Variants in ATG3 observed in about 807,000 individuals in gnomAD.
ATG3 encodes the protein ubiquitin-like-conjugating enzyme ATG3.
Under a neutral mutation model 50.7 loss-of-function variants are expected in ATG3, and 25 were observed. The ratio of observed to expected loss-of-function variants is 0.49; its 90% CI spans 0.36 to 0.69. ATG3 has a LOEUF of 0.69. Ranked by LOEUF, ATG3 falls within the 30% of genes least tolerant of loss-of-function variation. The pLI is 0.00. For synonymous variants in ATG3, 119 were observed against 125.5 expected, an observed-to-expected ratio of 0.95 and a Z score of 0.34; for missense variants, 281 against 376.0, an observed-to-expected ratio of 0.75 and a Z score of 2.09.
chr3:112,534,068 G>C, intron 11 of ATG3: 4 of 1,287,786 alleles, frequency 3.1e-6, no homozygotes, highest in Non-Finnish European at 3.9e-6. Context: ...CTACACATGG[G>C]GACATGTTCT....
intron 1 of ATG3, 122 bp downstream of exon 1, chr3:112,561,335 C>T (rs777105908): frequency 8.0e-6 from 8 of 1,000,502 alleles, no homozygotes; most frequent in Non-Finnish European, 1.1e-5. Context: ...TTCCCTGTGT[C>T]TCGAGCCCTA....
intron 3 of ATG3, among the ~76,000 whole-genome samples, chr3:112,552,420 CTT>C (rs931957861): frequency 2.0e-5 from 3 of 151,796 alleles, no homozygotes; most frequent in Non-Finnish European, 4.4e-5. Flanking sequence ...AAAATAAAAA[CTT>C]AAAGCCTCTT....
intron 5 of ATG3, among the ~76,000 whole-genome samples, chr3:112,545,608 A>G (rs983216018): frequency 1.3e-5 from 2 of 152,242 alleles, no homozygotes; most frequent in African/African-American, 2.4e-5. Context: ...TGACTATTTC[A>G]TAACAGTAAA....
intron 10 of ATG3, 139 bp downstream of exon 10, chr3:112,536,336 A>G (rs1008264697): frequency 6.2e-6 from 6 of 960,298 alleles, no homozygotes; most frequent in East Asian, 2.8e-5. Context: ...GAAAATTTCT[A>G]AGGAGGACAA....
At chr3:112,552,876 G>A (rs1023435598) in intron 3 of ATG3, among the ~76,000 whole-genome samples, 5 of 152,040 alleles carry the variant, frequency 3.3e-5, no homozygotes, top group Non-Finnish European at 7.4e-5. Flanking sequence ...TCCATCTCCT[G>A]ACCTCGTGAT....
In ATG3 at chr3:112,556,401, TG is replaced by T. The variant is rs1287778792; in HGVS notation, c.114+1974del. On this transcript the variant is annotated intron_variant, in intron 2 of 11. Transcript: ENST00000283290. ...CCAGCCGCCCCATCCGGGAGGGAGG[TG>T]GGGGGGTCAGCCCCCCGCCCGGCCA... is the stretch of plus-strand genomic sequence containing the variant. Among the ~76,000 whole-genome samples the T allele has an allele frequency of 5.6e-5, 8 of 141,748 alleles. No homozygotes were observed. The East Asian group carries it at 1.2e-3, about 22-fold the overall frequency. 93.0% of individuals were successfully genotyped at this position (141,748 alleles called of 152,430 possible).
At chr3:112,536,328 A>C (rs1392433651) in intron 10 of ATG3, 147 bp downstream of exon 10, 3 of 920,738 alleles carry the variant, frequency 3.3e-6, no homozygotes, top group Non-Finnish European at 4.7e-6. Flanking sequence ...AAGCACAAGA[A>C]AATTTCTAAG....
chr3:112,542,392 T>C lies in ATG3; in HGVS notation c.394-508A>G, dbSNP rs117991576. On this transcript the variant is annotated intron_variant, in intron 6 of 11. Coordinates refer to ENST00000283290, the MANE Select transcript of ATG3 (RefSeq NM_022488.5). Reference sequence around the variant, plus strand: ...TGCACAAGATATCAGTTCAATTTCTTAACTATATTAGCTCTAAAGTGAAAG... The same window carrying C: ...TGCACAAGATATCAGTTCAATTTCTCAACTATATTAGCTCTAAAGTGAAAG... Among the ~76,000 whole-genome samples, 11 of 152,252 alleles carry C rather than the reference T, an allele frequency of 7.2e-5. 1 individual carries two copies. The East Asian group carries it at 2.1e-3, about 29-fold the overall frequency.
intron 4 of ATG3, among the ~76,000 whole-genome samples, chr3:112,549,927 G>A (rs66910014): frequency 0.067 from 10,215 of 151,866 alleles, 431 homozygotes; most frequent in Admixed American, 0.12. Context: ...CATTTGCCAT[G>A]CAAAATTTCA....
rs190048553 is a variant in ATG3, at chr3:112,534,243, C to A, written c.863+26G>T. 3.9e-3 allele frequency: 6,207 copies of A among 1,595,356 alleles called. 14 individuals carry two copies. The highest frequency in any genetic ancestry group is 4.8e-3 in the Non-Finnish European group (5,591 of 1,172,182). On this transcript the variant is annotated intron_variant, in intron 11 of 11. Coordinates refer to ENST00000283290, the MANE Select transcript of ATG3 (RefSeq NM_022488.5). ...AAAATCGTTAACAGCCATTTTGCCA[C>A]TAATCTTACATACAGGGAAGGATAC...
chr3:112,556,341 GC>G (rs1933680415), intron 2 of ATG3, among the ~76,000 whole-genome samples: 1 of 139,554 alleles, frequency 7.2e-6, no homozygotes, highest in Non-Finnish European at 1.6e-5. Context: ...CTGCCCGGCC[GC>G]CCCTACTGGG....
intron 6 of ATG3, among the ~76,000 whole-genome samples, chr3:112,542,350 C>A (rs1160423959): frequency 6.6e-6 from 1 of 152,080 alleles, no homozygotes; most frequent in Non-Finnish European, 1.5e-5. Flanking sequence ...AGTTATCAGA[C>A]TTTACAGTTA....
intron 4 of ATG3, among the ~76,000 whole-genome samples, chr3:112,549,978 A>G (rs1933485600): frequency 1.3e-5 from 2 of 152,168 alleles, no homozygotes; most frequent in Admixed American, 1.3e-4. Flanking sequence ...AAAGATTATT[A>G]TGAAGCCAAC....
At chr3:112,533,444 G>T in intron 11 of ATG3, 1 of 985,264 alleles carries the variant, frequency 1.0e-6, no homozygotes. Flanking sequence ...ATATGGTTTG[G>T]ACTGGAAGTT....
chr3:112,552,649 ATT>A (rs1161759705), intron 3 of ATG3, among the ~76,000 whole-genome samples: 3 of 144,354 alleles, frequency 2.1e-5, no homozygotes, highest in Non-Finnish European at 3.1e-5. Flanking sequence ...CTGTTCAAAA[ATT>A]TTTTTTTTTT....
chr3:112,554,139 G>C (rs1933601196), intron 2 of ATG3, among the ~76,000 whole-genome samples: 1 of 152,118 alleles, frequency 6.6e-6, no homozygotes, highest in Admixed American at 6.5e-5. Context: ...TATTTCTGAG[G>C]GCAGAAAATT....
In ATG3 at chr3:112,544,106, C is replaced by T; in HGVS notation, c.344G>A (p.Gly115Asp). Residue 115 changes from glycine to aspartate, a missense_variant and splice_region_variant, in exon 6 of 12, where the codon GGT (glycine) becomes GAT (aspartate). Physicochemically the swap from Gly to Asp is moderately conservative, Grantham distance 94. Coordinates refer to ENST00000283290, the MANE Select transcript of ATG3 (RefSeq NM_022488.5). ...AACGGCTTCCGTTATTCCTGTAATA[C>T]CTATGTAAAATTCGGCAGAAAAGAA... is the stretch of plus-strand genomic sequence containing the variant. ...GGWVDTYHNTGITGITEAVKE... is the reference protein window; with the variant it reads ...GGWVDTYHNTDITGITEAVKE... 1.3e-6 allele frequency: 2 copies of T among 1,599,640 alleles called. No individual in the cohort carries two copies. The highest frequency in any genetic ancestry group is 1.1e-5 in the South Asian group (1 of 90,538).
In ATG3 at chr3:112,544,067, A is replaced by G; in HGVS notation, c.383T>C (p.Leu128Pro). The change falls in exon 6 of 12, where the codon CTG becomes CCG. Residue 128 changes from leucine to proline, a missense_variant. Leu to Pro is a moderately conservative substitution (Grantham distance 98). Transcript: ENST00000283290. ...CTAATTAACCAGTACCTTATTTTCC[A>G]GTGTGATCTCTTTAACGGCTTCCGT... Reference protein sequence around the residue: ...GITEAVKEITLENKDNIRLQD... With the variant: ...GITEAVKEITPENKDNIRLQD... 1 of 1,599,726 alleles carries G rather than the reference A, an allele frequency of 6.3e-7. No homozygotes were observed. Among genetic ancestry groups the G allele is most frequent in the Non-Finnish European group, 8.6e-7 (1 of 1,167,852 alleles).
intron 2 of ATG3, among the ~76,000 whole-genome samples, chr3:112,555,507 T>C (rs1052676593): frequency 6.6e-6 from 1 of 152,234 alleles, no homozygotes; most frequent in African/African-American, 2.4e-5. Context: ...AAGTCATACA[T>C]ACATCCAACA....
Sources: gnomAD v4.1 joint callset for allele counts (sites outside exome capture counted in the v4.1 genomes callset) on GRCh38, gnomAD v4.1.1 for gene constraint, MANE v1.5 for transcripts, NCBI Gene and HGNC (gene_info 2026-07-23, HGNC 2026-07-21) for gene names.